Variants in SH3KBP1 observed in about 807,000 individuals in gnomAD.
SH3KBP1 encodes SH3 domain containing kinase binding protein 1.
SH3KBP1 carries 8 observed loss-of-function variants against 50.1 expected under a neutral mutation model. The ratio of observed to expected loss-of-function variants is 0.16; its 90% CI spans 0.09 to 0.29. The LOEUF (loss-of-function observed/expected upper bound fraction) is 0.29. Among genes scored for constraint, SH3KBP1 ranks in the 10% least tolerant of loss-of-function variants. The pLI, the probability that SH3KBP1 is intolerant of heterozygous loss-of-function variation, is 1.00. For missense variants in SH3KBP1, 377 were observed against 535.2 expected, an observed-to-expected ratio of 0.70 and a Z score of 2.92; for synonymous variants, 227 against 218.6, an observed-to-expected ratio of 1.04 and a Z score of -0.34.
intron 6 of SH3KBP1, among the ~76,000 whole-genome samples, chrX:19,676,510 C>T (rs1403990803): frequency 9.0e-6 from 1 of 111,307 alleles, no homozygotes; most frequent in Non-Finnish European, 1.9e-5. Flanking sequence ...TTGTTTATAA[C>T]TCAACGGATA....
intron 7 of SH3KBP1, among the ~76,000 whole-genome samples, chrX:19,640,792 T>C (rs1295066788): frequency 8.9e-6 from 1 of 112,013 alleles, no homozygotes; most frequent in Admixed American, 9.4e-5. Context: ...ATTGAAAGTA[T>C]CTCTGATTAG....
intron 1 of SH3KBP1, among the ~76,000 whole-genome samples, chrX:19,852,654 AAAAT>A (rs1453356445): frequency 9.5e-6 from 1 of 104,792 alleles, no homozygotes; most frequent in Admixed American, 1.0e-4. Flanking sequence ...AAAAAAAAAA[AAAAT>A]CCACGAACAT....
At chrX:19,678,484 A>C (rs757635279) in intron 6 of SH3KBP1, among the ~76,000 whole-genome samples, 42 of 110,805 alleles carry the variant, frequency 3.8e-4, no homozygotes, top group African/African-American at 1.3e-3. Context: ...CACAAGGAAA[A>C]AAAGACCAAC....
chrX:19,836,409 G>A (rs1023398895), intron 1 of SH3KBP1, 127 bp from the exon 2 acceptor site: 3 of 616,949 alleles, frequency 4.9e-6, no homozygotes, highest in East Asian at 6.9e-5. Context: ...CAAAATAACA[G>A]GGCCACACAC....
intron 13 of SH3KBP1, among the ~76,000 whole-genome samples, chrX:19,556,969 G>A (rs754428355): frequency 1.8e-5 from 2 of 111,887 alleles, no homozygotes; most frequent in African/African-American, 6.5e-5. Context: ...ACCATGCCTT[G>A]CTATAAACAA....
At chrX:19,806,597 G>T (rs1464061234) in intron 2 of SH3KBP1, among the ~76,000 whole-genome samples, 2 of 111,323 alleles carry the variant, frequency 1.8e-5, no homozygotes. Context: ...GAATGTTCCA[G>T]GTAGGGAAGT....
chrX:19,671,017 A>C (rs530774418), intron 6 of SH3KBP1: 1 of 1,050,932 alleles, frequency 9.5e-7, no homozygotes, highest in East Asian at 3.4e-5. Context: ...GGGGAGAACA[A>C]AGCTCGCATT....
intron 2 of SH3KBP1, among the ~76,000 whole-genome samples, chrX:19,768,448 C>T (rs1329954412): frequency 2.0e-5 from 2 of 99,196 alleles, no homozygotes; most frequent in Non-Finnish European, 4.1e-5. Context: ...CTAATAACCA[C>T]TCAGGGGGAG....
intron 2 of SH3KBP1, among the ~76,000 whole-genome samples, chrX:19,769,075 A>ATTTTT (rs36059368): frequency 4.9e-5 from 4 of 81,149 alleles, no homozygotes; most frequent in African/African-American, 2.1e-4. Context: ...CTGCGTTATA[A>ATTTTT]TTTTTTTTTT....
In SH3KBP1 at chrX:19,826,356, G is replaced by C. The variant is rs1036925415; in HGVS notation, c.162+9769C>G. ...ATGCCCAAGGACACCAGGACTAAAT[G>C]TTGTGAGCAAGATGAGGCTCTGCAC... On this transcript the variant is annotated intron_variant, in intron 2 of 17. Coordinates refer to ENST00000397821, the MANE Select transcript of SH3KBP1 (RefSeq NM_031892.3). Among the ~76,000 whole-genome samples, 4 of 111,301 alleles carry C rather than the reference G, an allele frequency of 3.6e-5. No homozygotes were observed. The Admixed American group carries it at 3.9e-4, about 11-fold the overall frequency.
At chrX:19,590,916 C>T (rs551199765) in intron 11 of SH3KBP1, among the ~76,000 whole-genome samples, 1 of 102,223 alleles carries the variant, frequency 9.8e-6, no homozygotes, top group East Asian at 3.1e-4. Context: ...CCCGCCTCAG[C>T]CTCCCAAAGT....
intron 6 of SH3KBP1, chrX:19,648,113 C>G (rs1341841982): frequency 8.1e-6 from 3 of 370,152 alleles, no homozygotes; most frequent in African/African-American, 7.7e-5. Flanking sequence ...TTCTCACTGG[C>G]CTAAGAACTT....
chrX:19,758,853 C>T (rs895215972), intron 2 of SH3KBP1, among the ~76,000 whole-genome samples: 1 of 111,572 alleles, frequency 9.0e-6, no homozygotes, highest in African/African-American at 3.3e-5. Context: ...GAATAGGCCT[C>T]ATTCAGTCTT....
At chrX:19,702,906 C>G (rs1005256197) in intron 4 of SH3KBP1, among the ~76,000 whole-genome samples, 2 of 112,462 alleles carry the variant, frequency 1.8e-5, no homozygotes, top group African/African-American at 3.2e-5. Flanking sequence ...GAATTCACAG[C>G]CTGCTACTTT....
intron 1 of SH3KBP1, among the ~76,000 whole-genome samples, chrX:19,882,625 A>G (rs1485829333): frequency 8.9e-6 from 1 of 112,068 alleles, no homozygotes; most frequent in African/African-American, 3.2e-5. Context: ...CGGATGATAA[A>G]CATGTGATGT....
At chrX:19,618,474 T>C (rs1409540108) in intron 8 of SH3KBP1, among the ~76,000 whole-genome samples, 1 of 106,004 alleles carries the variant, frequency 9.4e-6, no homozygotes, top group Non-Finnish European at 1.9e-5. Context: ...CTGGCCCAAC[T>C]CCAGGGTGAC....
intron 2 of SH3KBP1, among the ~76,000 whole-genome samples, chrX:19,746,996 C>T (rs1244462491): frequency 1.8e-5 from 2 of 112,250 alleles, no homozygotes; most frequent in East Asian, 5.6e-4. Flanking sequence ...CAGGGGTCAG[C>T]AAATGAAAGC....
At chrX:19,608,876 A>C (rs2067322848) in intron 8 of SH3KBP1, among the ~76,000 whole-genome samples, 1 of 112,402 alleles carries the variant, frequency 8.9e-6, no homozygotes, top group South Asian at 3.7e-4. Flanking sequence ...TGCCATCATG[A>C]AAATCCCTTC....
At chrX:19,631,603 T>C (rs1233803362) in intron 8 of SH3KBP1, among the ~76,000 whole-genome samples, 3 of 112,884 alleles carry the variant, frequency 2.7e-5, no homozygotes, top group Non-Finnish European at 5.6e-5. Context: ...TTTTGGGTTA[T>C]TCCTTCTGGA....
Sources: allele counts gnomAD v4.1 joint callset (sites outside exome capture counted in the v4.1 genomes callset), GRCh38; gene constraint gnomAD v4.1.1; transcripts MANE v1.5; gene names NCBI Gene and HGNC (gene_info 2026-07-23, HGNC 2026-07-21).